The following LRRTM4 variants were observed in gnomAD, a reference collection of about 807,000 sequenced individuals.
LRRTM4 encodes the protein leucine-rich repeat transmembrane neuronal protein 4.
In LRRTM4, 25 loss-of-function variants were observed where a neutral mutation model predicts 47.6. That is an observed-to-expected ratio of 0.53 (90% CI 0.38 to 0.73). LRRTM4 has a LOEUF of 0.73. Among genes scored for constraint, LRRTM4 ranks in the 30% least tolerant of loss-of-function variants. The pLI is 0.00. For synonymous variants in LRRTM4, 311 were observed against 269.5 expected (o/e 1.15, Z -1.51); for missense variants, 638 against 713.4 (o/e 0.89, Z 1.20).
At chr2:77,480,939 T>C (rs1677679708) in intron 3 of LRRTM4, among the ~76,000 whole-genome samples, 1 of 151,686 alleles carries the variant, frequency 6.6e-6, no homozygotes, top group Non-Finnish European at 1.5e-5. Context: ...GAAGAATCAC[T>C]GAAGTACCCA....
intron 3 of LRRTM4, among the ~76,000 whole-genome samples, chr2:77,179,631 A>G (rs915727902): frequency 6.6e-6 from 1 of 152,146 alleles, no homozygotes; most frequent in African/African-American, 2.4e-5. Context: ...ATTTTACTCT[A>G]TTAAAAAAAT....
At chr2:76,755,132 C>T (rs1171916448) in intron 3 of LRRTM4, among the ~76,000 whole-genome samples, 2 of 152,144 alleles carry the variant, frequency 1.3e-5, no homozygotes, top group Non-Finnish European at 2.9e-5. Flanking sequence ...TTCATTAATA[C>T]ATGAAAAGAT....
intron 3 of LRRTM4, among the ~76,000 whole-genome samples, chr2:77,224,510 G>A (rs1021667624): frequency 6.6e-6 from 1 of 151,728 alleles, no homozygotes. Flanking sequence ...AAACAAATTT[G>A]CAAGAAGAAA....
intron 3 of LRRTM4, among the ~76,000 whole-genome samples, chr2:76,780,731 G>A (rs113627737): frequency 6.6e-6 from 1 of 151,908 alleles, no homozygotes; most frequent in African/African-American, 2.4e-5. Context: ...AGAGTAATTT[G>A]ATTGTCTGAA....
chr2:76,928,913 C>G (rs1044167764), intron 3 of LRRTM4, among the ~76,000 whole-genome samples: 1 of 152,018 alleles, frequency 6.6e-6, no homozygotes, highest in African/African-American at 2.4e-5. Flanking sequence ...CTATGTTACT[C>G]TATTTGATTT....
intron 3 of LRRTM4, among the ~76,000 whole-genome samples, chr2:76,798,801 C>T (rs1675500613): frequency 6.6e-6 from 1 of 151,814 alleles, no homozygotes; most frequent in Non-Finnish European, 1.5e-5. Flanking sequence ...TACAAACTAC[C>T]ATCAGAGAAT....
intron 3 of LRRTM4, among the ~76,000 whole-genome samples, chr2:76,807,471 C>CA (rs545039725): frequency 2.1e-5 from 2 of 97,482 alleles, no homozygotes; most frequent in African/African-American, 1.1e-4. Context: ...TATATATATA[C>CA]ATATATATAT....
chr2:77,028,907 G>C lies in LRRTM4; in HGVS notation c.1552-279991C>G, dbSNP rs373168193. 7.1e-3 allele frequency among the ~76,000 whole-genome samples: 1,067 copies of C among 150,420 alleles called. 13 individuals are homozygous for C. The highest frequency in any genetic ancestry group is 0.022 in the African/African-American group (913 of 40,904). ...AAAATTAGCTGAGCGTGGTGGTGGG[G>C]GCCTGTAGTCCCAGCTACTCGGGAG... is the stretch of plus-strand genomic sequence containing the variant. On this transcript the variant is annotated intron_variant, in intron 3 of 3. Transcript: ENST00000409884.
At chr2:77,181,151 A>G (rs1265444059) in intron 3 of LRRTM4, among the ~76,000 whole-genome samples, 1 of 152,190 alleles carries the variant, frequency 6.6e-6, no homozygotes, top group Non-Finnish European at 1.5e-5. Context: ...GTGTCTGTAA[A>G]CAATACTACA....
chr2:77,303,693 G>A (rs1677199736), intron 3 of LRRTM4, among the ~76,000 whole-genome samples: 1 of 152,172 alleles, frequency 6.6e-6, no homozygotes, highest in South Asian at 2.1e-4. Flanking sequence ...TCACATGTAA[G>A]TGAGGTCTTC....
At chr2:77,434,390 C>T (rs746654823) in intron 3 of LRRTM4, among the ~76,000 whole-genome samples, 1 of 150,880 alleles carries the variant, frequency 6.6e-6, no homozygotes, top group Non-Finnish European at 1.5e-5. Context: ...TGATGTGAGT[C>T]AGAAACGTAC....
chr2:77,151,019 C>T (rs771900929), intron 3 of LRRTM4, among the ~76,000 whole-genome samples: 35 of 151,714 alleles, frequency 2.3e-4, no homozygotes, highest in East Asian at 7.7e-4. Flanking sequence ...AAAAACTGTT[C>T]GCATATTTAC....
chr2:77,014,356 G>C (rs577299256), intron 3 of LRRTM4, among the ~76,000 whole-genome samples: 1 of 152,032 alleles, frequency 6.6e-6, no homozygotes, highest in South Asian at 2.1e-4. Context: ...AAAAAGAATA[G>C]CTACTCACTG....
At chr2:77,136,265 C>T (rs1338600771) in intron 3 of LRRTM4, among the ~76,000 whole-genome samples, 1 of 152,156 alleles carries the variant, frequency 6.6e-6, no homozygotes, top group Non-Finnish European at 1.5e-5. Context: ...GCTGGGTACC[C>T]CTCTGAGACA....
At chr2:76,824,930 A>G (rs1277765743) in intron 3 of LRRTM4, among the ~76,000 whole-genome samples, 1 of 151,630 alleles carries the variant, frequency 6.6e-6, no homozygotes, top group African/African-American at 2.4e-5. Flanking sequence ...GTGACCATCA[A>G]ATGACACTTC....
intron 3 of LRRTM4, among the ~76,000 whole-genome samples, chr2:77,320,901 A>T (rs1250488598): frequency 3.3e-5 from 5 of 152,070 alleles, no homozygotes; most frequent in Non-Finnish European, 4.4e-5. Flanking sequence ...ATTTATATTA[A>T]CTTCAGCTTT....
chr2:77,369,237 T>C (rs561045116), intron 3 of LRRTM4, among the ~76,000 whole-genome samples: 2 of 151,910 alleles, frequency 1.3e-5, no homozygotes, highest in African/African-American at 4.8e-5. Flanking sequence ...AATCTGTAGG[T>C]TGCGTTTTCA....
chr2:77,111,478 T>C (rs1437741152), intron 3 of LRRTM4, among the ~76,000 whole-genome samples: 1 of 151,880 alleles, frequency 6.6e-6, no homozygotes, highest in Non-Finnish European at 1.5e-5. Context: ...GTTACCCAGG[T>C]CAACCAAAGT....
chr2:77,494,857 C>G (rs1221662074), intron 3 of LRRTM4, among the ~76,000 whole-genome samples: 1 of 152,024 alleles, frequency 6.6e-6, no homozygotes, highest in Admixed American at 6.6e-5. Flanking sequence ...AATGACTTTG[C>G]AATCCCTAGA....
Sources: allele counts gnomAD v4.1 joint callset (sites outside exome capture counted in the v4.1 genomes callset), GRCh38; gene constraint gnomAD v4.1.1; transcripts MANE v1.5; gene names NCBI Gene and HGNC (gene_info 2026-07-23, HGNC 2026-07-21).